Variants in CTDSPL2 observed in about 807,000 individuals in gnomAD.
CTDSPL2 encodes CTD small phosphatase-like protein 2.
In CTDSPL2, 5 loss-of-function variants were observed where a neutral mutation model predicts 60.0. That is an observed-to-expected ratio of 0.08 (90% CI 0.04 to 0.18). The LOEUF (loss-of-function observed/expected upper bound fraction) is 0.18. CTDSPL2 is among the 10% of genes least tolerant of loss of function. CTDSPL2 has a pLI of 1.00. For synonymous variants in CTDSPL2, 186 were observed against 189.3 expected, an observed-to-expected ratio of 0.98 and a Z score of 0.14; for missense variants, 370 against 548.8, an observed-to-expected ratio of 0.67 and a Z score of 3.26.
chr15:44,442,118 A>C (rs1214292684), intron 1 of CTDSPL2, among the ~76,000 whole-genome samples: 1 of 152,026 alleles, frequency 6.6e-6, no homozygotes, highest in Admixed American at 6.6e-5. Context: ...AACCTTGCTT[A>C]TTCTTCTATT....
intron 2 of CTDSPL2, among the ~76,000 whole-genome samples, chr15:44,467,102 G>C (rs1397522546): frequency 1.3e-5 from 2 of 152,180 alleles, no homozygotes; most frequent in African/African-American, 4.8e-5. Context: ...TATGTGGTCT[G>C]CTGTTGACTG....
In CTDSPL2 at chr15:44,497,135, C is replaced by T; in HGVS notation, c.879C>T (p.Asp293=). The T allele has an allele frequency of 1.3e-6, 2 of 1,557,992 alleles. No individual in the cohort carries two copies. The highest frequency in any genetic ancestry group is 1.8e-6 in the Non-Finnish European group (2 of 1,131,148). ...CACCGGAATTCTCCCTAGTTTTAGA[C>T]TTGGTAAGTATATTATCTGTAGAGG... The part of the protein sequence containing the change: ...RSTPEFSLVL[D]LDETLVHCSL... Residue 293 remains aspartate, a synonymous_variant, in exon 7 of 13, where the codon GAC becomes GAT. Transcript: ENST00000260327.
chr15:44,490,911 A>G lies in CTDSPL2; in HGVS notation c.603A>G (p.Ser201=). The G allele has an allele frequency of 6.2e-7, 1 of 1,614,168 alleles. No homozygotes were observed. The highest frequency in any genetic ancestry group is 8.5e-7 in the Non-Finnish European group (1 of 1,180,002). Residue 201 remains serine, a synonymous_variant, in exon 5 of 13, where the codon TCA becomes TCG. Coordinates refer to ENST00000260327, the MANE Select transcript of CTDSPL2 (RefSeq NM_016396.3). ...CATCAACTAATGGAGCAGCTTACTC[A>G]AATCAAGCAGTTCAAGTGAGACCAT... ...TTTSTNGAAY[S]NQAVQVRPSL...
intron 1 of CTDSPL2, among the ~76,000 whole-genome samples, chr15:44,453,873 C>T (rs1202515218): frequency 1.3e-5 from 2 of 152,054 alleles, no homozygotes; most frequent in South Asian, 2.1e-4. Flanking sequence ...GTGAATAGTG[C>T]CGCAGTAAAC....
chr15:44,492,255 G>C (rs1487929521), intron 5 of CTDSPL2, among the ~76,000 whole-genome samples: 3 of 152,170 alleles, frequency 2.0e-5, no homozygotes, highest in African/African-American at 7.2e-5. Flanking sequence ...AGGATTGCTT[G>C]AGCCCAGGAA....
chr15:44,467,467 G>C (rs2080719115), intron 2 of CTDSPL2, among the ~76,000 whole-genome samples: 1 of 151,936 alleles, frequency 6.6e-6, no homozygotes, highest in African/African-American at 2.4e-5. Flanking sequence ...TTATTAGTTG[G>C]TGGAAGTTCT....
chr15:44,448,983 A>G (rs1567064865), intron 1 of CTDSPL2: 1 of 390,708 alleles, frequency 2.6e-6, no homozygotes, highest in East Asian at 9.3e-5. Flanking sequence ...TGTGCTCAGA[A>G]CACCACATCA....
chr15:44,511,312 A>G (rs897997139), intron 8 of CTDSPL2, among the ~76,000 whole-genome samples: 3 of 152,228 alleles, frequency 2.0e-5, no homozygotes, highest in African/African-American at 7.2e-5. Context: ...GTTATATTTA[A>G]GTATAGTTAA....
intron 1 of CTDSPL2, among the ~76,000 whole-genome samples, chr15:44,441,508 A>G (rs1374399508): frequency 6.6e-6 from 1 of 152,206 alleles, no homozygotes. Context: ...CAGGAATAAT[A>G]CATTCTCATG....
At chr15:44,519,469 A>T (rs1595782983) in intron 11 of CTDSPL2, among the ~76,000 whole-genome samples, 174 bp downstream of exon 11, 1 of 152,192 alleles carries the variant, frequency 6.6e-6, no homozygotes, top group Non-Finnish European at 1.5e-5. Flanking sequence ...CTTTTGGAAA[A>T]TTTTTACTTA....
chr15:44,450,682 C>A (rs1037015527), intron 1 of CTDSPL2, among the ~76,000 whole-genome samples: 3 of 149,620 alleles, frequency 2.0e-5, no homozygotes, highest in Non-Finnish European at 4.4e-5. Flanking sequence ...CTGCAACCTC[C>A]GCCTCTGGGG....
chr15:44,486,411 C>G (rs1228963558), intron 3 of CTDSPL2, 140 bp from the exon 4 acceptor site: 10 of 575,764 alleles, frequency 1.7e-5, no homozygotes, highest in Non-Finnish European at 2.6e-5. Flanking sequence ...CTTTAATAAG[C>G]TTTCCTGAAC....
In CTDSPL2 at chr15:44,459,805, T is replaced by C. The variant is rs563931206; in HGVS notation, c.186+605T>C. The stretch of plus-strand genomic sequence containing the variant: ...ATTTTCTTTCAAAGAAAAAGTTTCT[T>C]GTTAATATTCACTGTCTAGGGAGGT... On this transcript the variant is annotated intron_variant, in intron 2 of 12. Coordinates refer to ENST00000260327, the MANE Select transcript of CTDSPL2 (RefSeq NM_016396.3). Among the ~76,000 whole-genome samples, 3 of 152,336 alleles carry C rather than the reference T, an allele frequency of 2.0e-5. No homozygotes were observed. In the South Asian group the frequency reaches 6.2e-4, roughly 32 times the overall value.
chr15:44,443,680 T>G (rs1178215988), intron 1 of CTDSPL2, among the ~76,000 whole-genome samples: 1 of 152,206 alleles, frequency 6.6e-6, no homozygotes, highest in Non-Finnish European at 1.5e-5. Context: ...ATGTCAAGTG[T>G]GTTTTCATGT....
rs375866378 is a variant in CTDSPL2, at chr15:44,427,714, C to T, written c.-83C>T. On this transcript the variant is annotated 5_prime_UTR_variant, in exon 1 of 13. Transcript: ENST00000260327. ...CGGGGTAAGCGGGAAAGACACCACACATTGCGCAGTCGGGACCATCGCCGG... is the reference window on the plus strand; with the variant it reads ...CGGGGTAAGCGGGAAAGACACCACATATTGCGCAGTCGGGACCATCGCCGG... 1.8e-4 allele frequency: 70 copies of T among 399,526 alleles called. 1 individual carries two copies. Among genetic ancestry groups the T allele is most frequent in the South Asian group, 1.7e-3 (13 of 7,872 alleles). The allele number at this position is 399,526 out of a possible 1,614,324, so 24.7% of individuals were successfully genotyped here. A position where few individuals can be genotyped will look rare whatever the true frequency, so the allele number is the denominator to read the frequency against.
chr15:44,476,336 G>T (rs902731267), intron 2 of CTDSPL2, among the ~76,000 whole-genome samples: 6 of 151,960 alleles, frequency 3.9e-5, no homozygotes, highest in Non-Finnish European at 7.4e-5. Context: ...AAAGTGCTGG[G>T]ATTACAGTCG....
At chr15:44,460,310 A>G (rs1360655813) in intron 2 of CTDSPL2, among the ~76,000 whole-genome samples, 3 of 152,008 alleles carry the variant, frequency 2.0e-5, no homozygotes, top group East Asian at 1.9e-4. Context: ...GGTTTTCACT[A>G]TGTTGGCCTG....
At chr15:44,508,066 TA>T (rs749166315) in intron 8 of CTDSPL2, among the ~76,000 whole-genome samples, 60 of 152,098 alleles carry the variant, frequency 3.9e-4, no homozygotes, top group Admixed American at 2.2e-3. Flanking sequence ...CAGTTAATTG[TA>T]GCATCTCATT....
rs1297475378 is a variant in CTDSPL2 at position 44,526,284 on chromosome 15, C to T, written c.*2110C>T. 6.6e-6 allele frequency: 1 copy of T among 152,124 alleles called. No individual in the cohort carries two copies. Among genetic ancestry groups the T allele is most frequent in the Non-Finnish European group, 1.5e-5 (1 of 67,966 alleles). 9.4% of individuals were successfully genotyped at this position (152,124 alleles called of 1,614,324 possible). ...CCAAAACTTAAAAGATCTGAACTTT[C>T]AGCATGCATTCTGATTGCTGAAAGA... On this transcript the variant is annotated 3_prime_UTR_variant, in exon 13 of 13. Transcript: ENST00000260327.
Sources: gnomAD v4.1 joint callset for allele counts (sites outside exome capture counted in the v4.1 genomes callset) on GRCh38, gnomAD v4.1.1 for gene constraint, MANE v1.5 for transcripts, NCBI Gene and HGNC (gene_info 2026-07-23, HGNC 2026-07-21) for gene names.